The following ZNF140 variants were observed in gnomAD, a reference collection of about 807,000 sequenced individuals.
ZNF140 encodes zinc finger protein 140, also known as zinc finger protein 140 (clone pHZ-39).
A neutral mutation model predicts 12.9 loss-of-function variants in ZNF140; 13 were observed. The observed-to-expected ratio is 1.01, with a 90% CI of 0.66 to 1.60. The LOEUF (loss-of-function observed/expected upper bound fraction) is 1.60, where lower values mean the gene tolerates loss of function less well. Among genes scored for constraint, ZNF140 ranks in the 40% most tolerant of loss-of-function variants. The pLI, the probability that ZNF140 is intolerant of heterozygous loss-of-function variation, is 0.00. For synonymous variants in ZNF140, 214 were observed against 186.7 expected (o/e 1.15, Z -1.19); for missense variants, 531 against 548.8 (o/e 0.97, Z 0.32).
chr12:133,081,613 G>A (rs1202909971), intron 2 of ZNF140: 2 of 453,880 alleles, frequency 4.4e-6, no homozygotes, highest in South Asian at 3.1e-5. Flanking sequence ...CTCCTTTTCA[G>A]GTGCTTATAC....
chr12:133,086,224 A>G (rs1468031003), intron 4 of ZNF140, among the ~76,000 whole-genome samples: 1 of 152,182 alleles, frequency 6.6e-6, no homozygotes, highest in Non-Finnish European at 1.5e-5. Context: ...TAGGACTGGA[A>G]TTGCCAAGTT....
At chr12:133,098,812 C>G (rs933564235) in intron 4 of ZNF140, among the ~76,000 whole-genome samples, 18 of 149,644 alleles carry the variant, frequency 1.2e-4, no homozygotes, top group Admixed American at 1.1e-3. Flanking sequence ...CCAAGCGATT[C>G]TCCTATCAGC....
chr12:133,085,533 G>A (rs1174278729), intron 4 of ZNF140, among the ~76,000 whole-genome samples: 1 of 152,132 alleles, frequency 6.6e-6, no homozygotes, highest in Non-Finnish European at 1.5e-5. Context: ...AGCCTTCTGT[G>A]TGCTCATCCT....
intron 4 of ZNF140, among the ~76,000 whole-genome samples, chr12:133,095,940 T>C (rs1440668218): frequency 2.0e-5 from 3 of 151,854 alleles, no homozygotes; most frequent in East Asian, 1.9e-4. Context: ...TCGGGTTTTA[T>C]ACCGAGACAT....
At position 133,085,167 on chromosome 12, in the gene ZNF140, G is replaced by A. The variant is rs1954635605; in HGVS notation, c.232+1606G>A. ...AGCCCCCTGAGTAACTGGGACTACAGGCACCTGCCACCATGCCTGGCTAAG... is the reference window on the plus strand; with the variant it reads ...AGCCCCCTGAGTAACTGGGACTACAAGCACCTGCCACCATGCCTGGCTAAG... On this transcript the variant is annotated intron_variant, in intron 4 of 4. Transcript: ENST00000355557. 3.9e-5 allele frequency among the ~76,000 whole-genome samples: 6 copies of A among 152,230 alleles called. No homozygotes were observed. The South Asian group carries it at 1.2e-3, about 32-fold the overall frequency.
chr12:133,081,777 T>C (rs1380902274), intron 2 of ZNF140: 1 of 274,966 alleles, frequency 3.6e-6, no homozygotes, highest in Non-Finnish European at 7.3e-6. Flanking sequence ...TTTACGTTAC[T>C]CCAGCGCCCC....
chr12:133,096,114 TG>T (rs1593781377), intron 4 of ZNF140, among the ~76,000 whole-genome samples: 1 of 151,632 alleles, frequency 6.6e-6, no homozygotes, highest in African/African-American at 2.4e-5. Context: ...GACTATCACA[TG>T]GGGAGAAACC....
intron 4 of ZNF140, among the ~76,000 whole-genome samples, chr12:133,092,393 G>C (rs1454245532): frequency 1.3e-5 from 2 of 151,208 alleles, no homozygotes; most frequent in African/African-American, 4.9e-5. Context: ...ACAGGTTATA[G>C]TTTGGACATC....
intron 4 of ZNF140, among the ~76,000 whole-genome samples, chr12:133,090,715 A>ATTGC (rs1399064145): frequency 6.7e-6 from 1 of 148,418 alleles, no homozygotes; most frequent in Non-Finnish European, 1.5e-5. Flanking sequence ...CTCAGTTTTT[A>ATTGC]TTATTATTTT....
chr12:133,089,832 T>C (rs1954796712), intron 4 of ZNF140, among the ~76,000 whole-genome samples: 1 of 151,798 alleles, frequency 6.6e-6, no homozygotes, highest in East Asian at 1.9e-4. Flanking sequence ...TAGCCTATTG[T>C]AAATTTCATC....
At chr12:133,095,976 C>G (rs947664232) in intron 4 of ZNF140, among the ~76,000 whole-genome samples, 12 of 151,186 alleles carry the variant, frequency 7.9e-5, no homozygotes, top group South Asian at 6.3e-4. Flanking sequence ...AGGCAGGAGA[C>G]AGTGGCCTTC....
chr12:133,093,493 T>C (rs1954965181), intron 4 of ZNF140: 1 of 699,436 alleles, frequency 1.4e-6, no homozygotes, highest in African/African-American at 1.8e-5. Context: ...GATGGAAACT[T>C]CTTTTGTAAG....
rs535774022 is a variant in ZNF140, at chr12:133,097,559, C to T, written c.233-7951C>T. ...TCGGGAGGCTGAGGCACGAGAATGG[C>T]GTGAACCCGGGAGGCGGAGGTTGCA... On this transcript the variant is annotated intron_variant, in intron 4 of 4. Transcript: ENST00000355557. 4.0e-5 allele frequency among the ~76,000 whole-genome samples: 6 copies of T among 151,252 alleles called. No homozygotes were observed. In the South Asian group the frequency reaches 6.3e-4, roughly 16 times the overall value.
chr12:133,091,465 C>A (rs372207923), intron 4 of ZNF140, among the ~76,000 whole-genome samples: 2,691 of 151,252 alleles, frequency 0.018, 72 homozygotes, highest in Middle Eastern at 0.031. Flanking sequence ...AAGTACAGGT[C>A]TTTTTCAAAA....
chr12:133,104,555 GT>G (rs1757779840), intron 4 of ZNF140, among the ~76,000 whole-genome samples: 1 of 152,062 alleles, frequency 6.6e-6, no homozygotes, highest in Non-Finnish European at 1.5e-5. Flanking sequence ...GTTTCACTGT[GT>G]TAGCCAGGCT....
At chr12:133,091,925 A>C (rs912645353) in intron 4 of ZNF140, among the ~76,000 whole-genome samples, 8 of 151,240 alleles carry the variant, frequency 5.3e-5, no homozygotes, top group African/African-American at 2.0e-4. Flanking sequence ...GGTGTAATAC[A>C]AAAATCTGAC....
chr12:133,083,663 A>G, intron 4 of ZNF140, 102 bp downstream of exon 4: 1 of 1,154,016 alleles, frequency 8.7e-7, no homozygotes, highest in South Asian at 1.5e-5. Context: ...TTTTCCCTTA[A>G]AGATACTAGA....
chr12:133,104,835 C>T (rs1217887760), intron 4 of ZNF140, among the ~76,000 whole-genome samples: 1 of 152,128 alleles, frequency 6.6e-6, no homozygotes, highest in Non-Finnish European at 1.5e-5. Flanking sequence ...TTAAAGGTTA[C>T]TCATGTTACA....
At chr12:133,099,539 A>G (rs1405965875) in intron 4 of ZNF140, among the ~76,000 whole-genome samples, 2 of 152,086 alleles carry the variant, frequency 1.3e-5, no homozygotes, top group Admixed American at 6.5e-5. Context: ...TAAGAAAACT[A>G]AGGCTGGGTG....
Sources: gnomAD v4.1 joint callset for allele counts (sites outside exome capture counted in the v4.1 genomes callset) on GRCh38, gnomAD v4.1.1 for gene constraint, MANE v1.5 for transcripts, NCBI Gene and HGNC (gene_info 2026-07-23, HGNC 2026-07-21) for gene names.